Variants in CLNK observed in about 807,000 individuals in gnomAD.
CLNK encodes the protein cytokine dependent hematopoietic cell linker, also known as cytokine-dependent hematopoietic cell linker.
CLNK carries 74 observed loss-of-function variants against 68.6 expected under a neutral mutation model. The ratio of observed to expected loss-of-function variants is 1.08; its 90% CI spans 0.89 to 1.31. The LOEUF (loss-of-function observed/expected upper bound fraction) is 1.31. Among genes scored for constraint, CLNK ranks in the 50% most tolerant of loss-of-function variants. The pLI is 0.00. For missense variants in CLNK, 553 were observed against 515.3 expected (o/e 1.07, Z -0.71); for synonymous variants, 198 against 172.2 (o/e 1.15, Z -1.17).
intron 2 of CLNK, among the ~76,000 whole-genome samples, chr4:10,637,586 T>TG (rs1723142425): frequency 1.8e-5 from 1 of 56,198 alleles, no homozygotes; most frequent in Admixed American, 1.5e-4. Context: ...CATTCCTCTT[T>TG]TTTTTTTTTT....
chr4:10,594,520 T>G (rs1721315316), intron 3 of CLNK, among the ~76,000 whole-genome samples: 1 of 152,184 alleles, frequency 6.6e-6, no homozygotes. Flanking sequence ...GGCCAGAATC[T>G]GGGAATCAGC....
chr4:10,605,129 A>G (rs558769030), intron 2 of CLNK, among the ~76,000 whole-genome samples: 3 of 151,856 alleles, frequency 2.0e-5, no homozygotes, highest in Non-Finnish European at 4.4e-5. Flanking sequence ...TACAACATCA[A>G]CTCTTACCCG....
chr4:10,511,881 G>A (rs1266754627), intron 16 of CLNK, among the ~76,000 whole-genome samples: 1 of 152,126 alleles, frequency 6.6e-6, no homozygotes, highest in Non-Finnish European at 1.5e-5. Flanking sequence ...CTAAGGAATG[G>A]AATACTTCTA....
At chr4:10,560,644 A>G (rs915659919) in intron 7 of CLNK, among the ~76,000 whole-genome samples, 1 of 151,584 alleles carries the variant, frequency 6.6e-6, no homozygotes, top group African/African-American at 2.4e-5. Flanking sequence ...GAGTTTCACA[A>G]TGTTACCCAG....
upstream of CLNK, among the ~76,000 whole-genome samples, chr4:10,686,059 C>T (rs1725259644): frequency 6.6e-6 from 1 of 152,140 alleles, no homozygotes; most frequent in Admixed American, 6.6e-5. Context: ...CACAGTCTGG[C>T]CTCTGGAAGT....
Position 10,513,537 on chromosome 4 carries a change from C to A in CLNK, c.833G>T (p.Ser278Ile), listed in dbSNP as rs1717695872. The change falls in exon 16 of 19, where the codon AGC becomes ATC. Residue 278 changes from serine (S) to isoleucine (I), a missense_variant. Coordinates refer to ENST00000226951, the MANE Select transcript of CLNK (RefSeq NM_052964.4). ...PQRCQPPASC[S>I]PHENILPYKY... ...ATAGGGCAGTATATTTTCGTGAGGGCTGCAGCTGGCTGGAGGCTGGCATCT... is the reference window on the plus strand; with the variant it reads ...ATAGGGCAGTATATTTTCGTGAGGGATGCAGCTGGCTGGAGGCTGGCATCT... 3.1e-6 allele frequency: 5 copies of A among 1,609,864 alleles called. No homozygotes were observed. The highest frequency in any genetic ancestry group is 1.3e-5 in the African/African-American group (1 of 74,880).
intron 2 of CLNK, among the ~76,000 whole-genome samples, chr4:10,632,082 T>C (rs1428203131): frequency 1.3e-5 from 2 of 152,214 alleles, no homozygotes; most frequent in East Asian, 3.8e-4. Context: ...CTGATAAGCA[T>C]GTAAAATTTA....
intron 3 of CLNK, among the ~76,000 whole-genome samples, chr4:10,589,929 G>A (rs1411838589): frequency 6.6e-6 from 1 of 152,238 alleles, no homozygotes; most frequent in Admixed American, 6.5e-5. Flanking sequence ...TTTGTCAACA[G>A]CATCCATAAC....
At chr4:10,724,416 T>G in the CLNK span, among the ~76,000 whole-genome samples, 1 of 152,152 alleles carries the variant, frequency 6.6e-6, no homozygotes, top group Non-Finnish European at 1.5e-5. Flanking sequence ...TACCTTTTCC[T>G]GTTGTTATAG....
intron 14 of CLNK, among the ~76,000 whole-genome samples, chr4:10,523,047 G>A (rs997219): frequency 0.46 from 69,969 of 151,994 alleles, 16,438 homozygotes; most frequent in East Asian, 0.61. Context: ...TAGAAGGCTA[G>A]TGCAATAGTC....
intron 1 of CLNK, among the ~76,000 whole-genome samples, chr4:10,679,922 C>T (rs1725028898): frequency 6.6e-6 from 1 of 152,114 alleles, no homozygotes; most frequent in Admixed American, 6.5e-5. Flanking sequence ...GTTGGTGGGA[C>T]TGTAAACTAG....
intron 2 of CLNK, among the ~76,000 whole-genome samples, chr4:10,636,385 G>A (rs998099010): frequency 6.6e-6 from 1 of 152,162 alleles, no homozygotes; most frequent in African/African-American, 2.4e-5. Context: ...GAGTGATGCA[G>A]CTGCAAGGGG....
chr4:10,637,817 T>TGG (rs60876206), intron 2 of CLNK, among the ~76,000 whole-genome samples: 47,591 of 149,898 alleles, frequency 0.32, 8,568 homozygotes, highest in African/African-American at 0.49. Context: ...TTAGCCAGGA[T>TGG]GGTCTCGATC....
At chr4:10,687,953 A>G (rs573082078), upstream of CLNK, among the ~76,000 whole-genome samples, 3 of 152,316 alleles carry the variant, frequency 2.0e-5, no homozygotes, top group South Asian at 2.1e-4. Context: ...GGTTTTGCCA[A>G]CTAGGTTACA....
the CLNK span, among the ~76,000 whole-genome samples, chr4:10,721,735 G>C: frequency 6.6e-6 from 1 of 152,192 alleles, no homozygotes; most frequent in Non-Finnish European, 1.5e-5. Flanking sequence ...TAAGCACCAG[G>C]AGAGGGAGAA....
intron 2 of CLNK, among the ~76,000 whole-genome samples, chr4:10,611,876 C>T (rs1391298476): frequency 2.0e-5 from 3 of 152,176 alleles, no homozygotes; most frequent in African/African-American, 4.8e-5. Context: ...CCTGTAGTCA[C>T]AGTCCATCTT....
At chr4:10,691,237 G>T in the CLNK span, among the ~76,000 whole-genome samples, 1 of 152,062 alleles carries the variant, frequency 6.6e-6, no homozygotes, top group Non-Finnish European at 1.5e-5. Flanking sequence ...TGTATAATAT[G>T]GGGGCATAAT....
chr4:10,617,670 G>A (rs1473900412), intron 2 of CLNK, among the ~76,000 whole-genome samples: 1 of 152,182 alleles, frequency 6.6e-6, no homozygotes, highest in Non-Finnish European at 1.5e-5. Flanking sequence ...GAAGCTTATG[G>A]TTTGATTTTC....
At chr4:10,610,535 C>T (rs1331049512) in intron 2 of CLNK, among the ~76,000 whole-genome samples, 1 of 151,998 alleles carries the variant, frequency 6.6e-6, no homozygotes, top group Non-Finnish European at 1.5e-5. Flanking sequence ...ATAAATGAAC[C>T]TAGACAAAGA....
Sources: gnomAD v4.1 joint callset for allele counts (sites outside exome capture counted in the v4.1 genomes callset) on GRCh38, gnomAD v4.1.1 for gene constraint, MANE v1.5 for transcripts, NCBI Gene and HGNC (gene_info 2026-07-23, HGNC 2026-07-21) for gene names.